The following TMEM132B variants were observed in gnomAD, a reference collection of about 807,000 sequenced individuals.
The protein encoded by TMEM132B is transmembrane protein 132B.
Under a neutral mutation model 90.8 loss-of-function variants are expected in TMEM132B, and 18 were observed. The observed-to-expected ratio is 0.20, with a 90% CI of 0.14 to 0.29. The LOEUF is 0.29. Ranked by LOEUF, TMEM132B falls within the 10% of genes least tolerant of loss-of-function variation. TMEM132B has a pLI of 1.00. For synonymous variants in TMEM132B, 504 were observed against 523.3 expected (o/e 0.96, Z 0.50); for missense variants, 1,096 against 1,326.8 (o/e 0.83, Z 2.70).
intron 1 of TMEM132B, among the ~76,000 whole-genome samples, chr12:125,325,668 CCTGTGTGTGTGTGTGTGT>C (rs1456436508): frequency 8.1e-4 from 113 of 139,466 alleles, no homozygotes; most frequent in African/African-American, 2.6e-3. Flanking sequence ...TGCCTCCCAC[CCTGTGTGTGTGTGTGTGT>C]GTGTGTGTGT....
rs1162957370 is a variant in TMEM132B, at chr12:125,432,483, ATATGTATGTGTATATATATGTGTGTGTG to A, written c.1106+16810_1106+16837del. On this transcript the variant is annotated intron_variant, in intron 3 of 8. Transcript: ENST00000682704. ...TGTGTATATATATGTATGTGTATAT[ATATGTATGTGTATATATATGTGTGTGTG>A]TATATATATATATATATAGAGAGAG... Among the ~76,000 whole-genome samples, 232 of 88,280 alleles carry A rather than the reference ATATGTATGTGTATATATATGTGTGTGTG, an allele frequency of 2.6e-3. 48 individuals are homozygous for A. Among genetic ancestry groups the A allele is most frequent in the Middle Eastern group, 0.01 (2 of 192 alleles). The allele number at this position is 88,280 out of a possible 152,430, so 57.9% of individuals were successfully genotyped here.
chr12:125,515,377 C>T (rs550126314), intron 3 of TMEM132B, among the ~76,000 whole-genome samples: 1 of 126,360 alleles, frequency 7.9e-6, no homozygotes, highest in South Asian at 2.9e-4. Flanking sequence ...TTCACTCACA[C>T]CTCTTTCACA....
chr12:125,326,806 G>A, intron 1 of TMEM132B: 1 of 872,240 alleles, frequency 1.1e-6, no homozygotes, highest in Non-Finnish European at 1.7e-6. Context: ...TGTTCTCCGT[G>A]CACCCCTTCC....
intron 5 of TMEM132B, 184 bp downstream of exon 5, chr12:125,584,178 C>A: frequency 1.3e-6 from 1 of 758,072 alleles, no homozygotes; most frequent in Non-Finnish European, 2.2e-6. Flanking sequence ...GCGGCTGCAG[C>A]AGGTGATGCT....
At chr12:125,292,109 C>T (rs1187159437) in intron 1 of TMEM132B, among the ~76,000 whole-genome samples, 5 of 152,168 alleles carry the variant, frequency 3.3e-5, no homozygotes, top group African/African-American at 7.2e-5. Flanking sequence ...CAGAGAAGAA[C>T]TAAAATAGCT....
At position 125,660,844 on chromosome 12, in the gene TMEM132B, A is replaced by G. The variant is rs996434905; in HGVS notation, c.*6134A>G. 1 of 152,208 alleles carries G rather than the reference A, an allele frequency of 6.6e-6. No individual in the cohort carries two copies. The highest frequency in any genetic ancestry group is 1.5e-5 in the Non-Finnish European group (1 of 68,044). The allele number at this position is 152,208 out of a possible 1,614,324, so 9.4% of individuals were successfully genotyped here. A position where few individuals can be genotyped will look rare whatever the true frequency, so the allele number is the denominator to read the frequency against. ...ATGTTAACGACAAGAGTCTCACGGGAGTCTCTTTAGATGCTGCAGGAACTG... is the reference window on the plus strand; with the variant it reads ...ATGTTAACGACAAGAGTCTCACGGGGGTCTCTTTAGATGCTGCAGGAACTG... On this transcript the variant is annotated 3_prime_UTR_variant, in exon 9 of 9. Coordinates refer to ENST00000682704, the MANE Select transcript of TMEM132B (RefSeq NM_001366854.1).
intron 3 of TMEM132B, among the ~76,000 whole-genome samples, chr12:125,421,749 A>G (rs1011939185): frequency 1.3e-5 from 2 of 152,240 alleles, no homozygotes; most frequent in East Asian, 1.9e-4. Flanking sequence ...ATTGTTTTTT[A>G]TGAAACTTAA....
intron 1 of TMEM132B, among the ~76,000 whole-genome samples, chr12:125,199,386 A>G (rs150049755): frequency 6.6e-6 from 1 of 152,308 alleles, no homozygotes; most frequent in African/African-American, 2.4e-5. Context: ...TTGTGAGTCC[A>G]GCTCTTAGGG....
At chr12:125,370,287 T>C (rs1485443014) in intron 2 of TMEM132B, among the ~76,000 whole-genome samples, 1 of 152,126 alleles carries the variant, frequency 6.6e-6, no homozygotes, top group East Asian at 1.9e-4. Context: ...GATTTTATGA[T>C]TATGTTGTTC....
intron 3 of TMEM132B, among the ~76,000 whole-genome samples, chr12:125,423,815 G>A (rs1880237320): frequency 6.6e-6 from 1 of 152,102 alleles, no homozygotes; most frequent in South Asian, 2.1e-4. Flanking sequence ...GTGCATATTA[G>A]ACTTGCTCAT....
At chr12:125,302,783 T>C (rs909274608) in intron 1 of TMEM132B, among the ~76,000 whole-genome samples, 3 of 152,178 alleles carry the variant, frequency 2.0e-5, no homozygotes, top group African/African-American at 4.8e-5. Flanking sequence ...AAATTTTTAA[T>C]CATCTGAAAT....
At position 125,241,274 on chromosome 12, in the gene TMEM132B, G is replaced by A. The variant is rs147285663; in HGVS notation, c.67+54408G>A. On this transcript the variant is annotated intron_variant, in intron 1 of 8. Coordinates refer to ENST00000682704, the MANE Select transcript of TMEM132B (RefSeq NM_001366854.1). Reference sequence around the variant, plus strand: ...GCATCATTCTGAGGTCATGGTGAGCGTAAATGATATTTCGAGATCTGAAAA... The same window carrying A: ...GCATCATTCTGAGGTCATGGTGAGCATAAATGATATTTCGAGATCTGAAAA... Among the ~76,000 whole-genome samples the A allele has an allele frequency of 1.1e-4, 16 of 152,246 alleles. No homozygotes were observed. In the East Asian group the frequency reaches 2.7e-3, roughly 26 times the overall value.
At chr12:125,256,912 C>T (rs1479357734) in intron 1 of TMEM132B, among the ~76,000 whole-genome samples, 4 of 152,162 alleles carry the variant, frequency 2.6e-5, no homozygotes, top group Non-Finnish European at 4.4e-5. Flanking sequence ...ACAGAGATTT[C>T]TGCTTCTCAG....
rs564303060 is a variant in TMEM132B at position 125,281,537 on chromosome 12, C to G, written c.68-67915C>G. ...TTCCCTTAGCCTCAATTTTCTTGACCATAAAACAGAGCTCAGTTTGCCAGT... is the reference window on the plus strand; with the variant it reads ...TTCCCTTAGCCTCAATTTTCTTGACGATAAAACAGAGCTCAGTTTGCCAGT... On this transcript the variant is annotated intron_variant, in intron 1 of 8. Transcript: ENST00000682704. Among the ~76,000 whole-genome samples, 11 of 152,274 alleles carry G rather than the reference C, an allele frequency of 7.2e-5. No individual in the cohort carries two copies. In the East Asian group the frequency reaches 1.9e-3, roughly 27 times the overall value.
chr12:125,234,612 T>C (rs1873892452), intron 1 of TMEM132B, among the ~76,000 whole-genome samples: 1 of 152,150 alleles, frequency 6.6e-6, no homozygotes, highest in Admixed American at 6.5e-5. Flanking sequence ...GGGATCTGTA[T>C]TTTCAGCAAG....
Position 125,652,482 on chromosome 12 carries a change from G to A in TMEM132B, c.1956G>A (p.Thr652=), listed in dbSNP as rs1417211423. The change falls in exon 8 of 9, where the codon ACG becomes ACA. Residue 652 remains threonine, a synonymous_variant. Coordinates refer to ENST00000682704, the MANE Select transcript of TMEM132B (RefSeq NM_001366854.1). ...PLSDSILAEK[T]VIVLDDRVTI... is the part of the protein sequence containing the mutation. ...CTGACTCCATCCTGGCTGAGAAGAC[G>A]GTGATTGTCCTGGATGACCGAGTCA... The A allele has an allele frequency of 1.3e-5, 21 of 1,612,148 alleles. No individual in the cohort carries two copies. Among genetic ancestry groups the A allele is most frequent in the East Asian group, 4.5e-5 (2 of 44,814 alleles).
At chr12:125,514,260 G>T (rs1883050982) in intron 3 of TMEM132B, among the ~76,000 whole-genome samples, 2 of 151,918 alleles carry the variant, frequency 1.3e-5, no homozygotes, top group Admixed American at 6.6e-5. Flanking sequence ...TATGTTCAAA[G>T]AATTAAACAA....
At chr12:125,587,689 G>A (rs1330305778) in intron 5 of TMEM132B, 4 of 152,142 alleles carry the variant, frequency 2.6e-5, no homozygotes, top group Non-Finnish European at 5.9e-5. Flanking sequence ...GGTCACACTT[G>A]TGCTCCTAGT....
intron 1 of TMEM132B, among the ~76,000 whole-genome samples, chr12:125,310,482 G>A (rs958703544): frequency 2.0e-5 from 3 of 152,204 alleles, no homozygotes; most frequent in African/African-American, 7.2e-5. Context: ...GAGCTCTTGA[G>A]TAAGCTCCAG....
Sources: allele counts gnomAD v4.1 joint callset (sites outside exome capture counted in the v4.1 genomes callset), GRCh38; gene constraint gnomAD v4.1.1; transcripts MANE v1.5; gene names NCBI Gene and HGNC (gene_info 2026-07-23, HGNC 2026-07-21).